Variants in DHX30 observed in about 807,000 individuals in gnomAD.
The protein encoded by DHX30 is ATP-dependent RNA helicase DHX30.
A neutral mutation model predicts 116.9 loss-of-function variants in DHX30; 4 were observed. The ratio of observed to expected loss-of-function variants is 0.03; its 90% CI spans 0.02 to 0.08. The LOEUF is 0.08. Ranked by LOEUF, DHX30 falls within the 10% of genes least tolerant of loss-of-function variation. The pLI is 1.00. For missense variants in DHX30, 871 were observed against 1,595.1 expected (o/e 0.55, Z 7.73); for synonymous variants, 697 against 651.7 (o/e 1.07, Z -1.06).
intron 2 of DHX30, among the ~76,000 whole-genome samples, chr3:47,806,405 G>T (rs1471467000): frequency 6.6e-6 from 1 of 151,058 alleles, no homozygotes. Flanking sequence ...GCCTCCGAAA[G>T]TGCTGGGATT....
At chr3:47,803,756 G>A (rs896803988) in intron 1 of DHX30, among the ~76,000 whole-genome samples, 24 of 152,220 alleles carry the variant, frequency 1.6e-4, no homozygotes, top group African/African-American at 5.8e-4. Context: ...TTTGCTGGTG[G>A]TAACTTGTCC....
chr3:47,835,565 A>G (rs2037070519), intron 6 of DHX30, among the ~76,000 whole-genome samples: 1 of 151,120 alleles, frequency 6.6e-6, no homozygotes, highest in South Asian at 2.1e-4. Context: ...TCAGCCTCCC[A>G]AAGTTCTGGG....
At chr3:47,849,584 C>T (rs958505171) in intron 20 of DHX30, 30 bp downstream of exon 20, 2 of 1,613,910 alleles carry the variant, frequency 1.2e-6, no homozygotes, top group African/African-American at 2.7e-5. Flanking sequence ...GATGGGGCAG[C>T]TGGGATGGTC....
Position 47,848,074 on chromosome 3 carries a change from G to C in DHX30, c.2287-106G>C. 1 of 1,580,604 alleles carries C rather than the reference G, an allele frequency of 6.3e-7. No homozygotes were observed. The highest frequency in any genetic ancestry group is 1.1e-5 in the South Asian group (1 of 87,684). ...TGTGTCTTCAGAAGGCCGCGCTTGT[G>C]GGGTCTCAGTGTTCCTGATGTAGGG... On this transcript the variant is annotated intron_variant, in intron 14 of 21. Coordinates refer to ENST00000445061, the MANE Select transcript of DHX30 (RefSeq NM_138615.3). The surrounding 1 kb of genome is among the most constrained non-coding windows in gnomAD (Gnocchi z 9.4).
intron 3 of DHX30, chr3:47,816,354 T>G (rs895486078): frequency 2.6e-5 from 24 of 936,768 alleles, no homozygotes; most frequent in South Asian, 1.5e-4. Context: ...AAGAGCCGTC[T>G]TCTTTTTTTT....
At chr3:47,810,592 G>T in intron 2 of DHX30, 65 bp from the exon 3 acceptor site, 1 of 1,318,888 alleles carries the variant, frequency 7.6e-7, no homozygotes, top group Non-Finnish European at 1.1e-6. Context: ...TGTTACTGAA[G>T]TCTTCTTTGT....
chr3:47,823,996 CTTTTTTTTT>C (rs759550719), intron 4 of DHX30, among the ~76,000 whole-genome samples: 1 of 100,368 alleles, frequency 1.0e-5, no homozygotes, highest in East Asian at 2.9e-4. Context: ...TTTTCTTTTC[CTTTTTTTTT>C]TTTTTTTTTT....
intron 4 of DHX30, among the ~76,000 whole-genome samples, chr3:47,826,643 C>T (rs2036567748): frequency 6.6e-6 from 1 of 152,122 alleles, no homozygotes; most frequent in South Asian, 2.1e-4. Flanking sequence ...GACGAGGTTT[C>T]ACAAGGTTTC....
chr3:47,805,109 T>C (rs1434497310), intron 1 of DHX30, among the ~76,000 whole-genome samples: 1 of 152,214 alleles, frequency 6.6e-6, no homozygotes, highest in Non-Finnish European at 1.5e-5. Flanking sequence ...GTCAGAAGAC[T>C]TCAGCACTTC....
chr3:47,848,508 A>G lies in DHX30; in HGVS notation c.2533A>G (p.Ile845Val), dbSNP rs1204168087. 8 of 1,613,668 alleles carry G rather than the reference A, an allele frequency of 5.0e-6. No individual in the cohort carries two copies. The highest frequency in any genetic ancestry group is 6.8e-6 in the Non-Finnish European group (8 of 1,179,906). Residue 845 changes from isoleucine (I) to valine (V), a missense_variant, in exon 16 of 22, where the codon ATC becomes GTC. By Grantham distance (29) the Ile-to-Val change is conservative. Around this residue, in one of 13 missense-constraint regions of DHX30, gnomAD observed 238 missense variants for 481.0 expected, o/e 0.49. Coordinates refer to ENST00000445061, the MANE Select transcript of DHX30 (RefSeq NM_138615.3). The surrounding 1 kb of genome is among the most constrained non-coding windows in gnomAD (Gnocchi z 9.4). ...FLSKAVDSPNIKAVDEAVILL... is the reference protein window; with the variant it reads ...FLSKAVDSPNVKAVDEAVILL... ...GTCCAAGGCTGTGGACAGTCCAAAC[A>G]TCAAGGCAGTGGACGAGGCTGTGAT...
intron 4 of DHX30, chr3:47,824,797 A>G (rs1367441700): frequency 2.5e-6 from 1 of 402,202 alleles, no homozygotes; most frequent in Non-Finnish European, 4.4e-6. Context: ...TTCCATCCAC[A>G]CGACTGCTGG....
rs1014265186 is a variant in DHX30 at position 47,815,983 on chromosome 3, GACCCTCCTTA to G, written c.29-2037_29-2028del. 94 of 984,148 alleles carry G rather than the reference GACCCTCCTTA, an allele frequency of 9.6e-5. 1 individual carries two copies. Among genetic ancestry groups the G allele is most frequent in the Non-Finnish European group, 1.1e-4 (90 of 829,698 alleles). The allele number at this position is 984,148 out of a possible 1,614,324, so 61.0% of individuals were successfully genotyped here. On this transcript the variant is annotated intron_variant, in intron 3 of 21. Coordinates refer to ENST00000445061, the MANE Select transcript of DHX30 (RefSeq NM_138615.3). The stretch of plus-strand genomic sequence containing the variant: ...TCCAGCATCCCTGGATGTGAATGAG[GACCCTCCTTA>G]AACAGGAATGGAGAGGTTGAGCTGG...
Position 47,846,950 on chromosome 3 carries a change from C to T in DHX30, c.1878C>T (p.Ile626=). The T allele has an allele frequency of 6.2e-7, 1 of 1,613,646 alleles. No individual in the cohort carries two copies. Among genetic ancestry groups the T allele is most frequent in the South Asian group, 1.1e-5 (1 of 91,090 alleles). ...TCAAGGAGCACTACCTAGAGGACAT[C>T]CTGGCCAAGTTGGGCAAGCACCAGT... is the stretch of plus-strand genomic sequence containing the variant. ...YPVKEHYLED[I]LAKLGKHQYL... is the part of the protein sequence containing the mutation. Residue 626 remains isoleucine, a synonymous_variant, in exon 11 of 22, where the codon ATC becomes ATT. Coordinates refer to ENST00000445061, the MANE Select transcript of DHX30 (RefSeq NM_138615.3).
In DHX30 at chr3:47,845,870, C is replaced by T. The variant is rs2037581856; in HGVS notation, c.1092+18C>T. On this transcript the variant is annotated intron_variant, in intron 10 of 21. Transcript: ENST00000445061. ...TGAACCATGTAAGAGGCCCTGCATC[C>T]CTCACCACCCCTGCTCCCTGTAGTC... 2.5e-6 allele frequency: 4 copies of T among 1,586,694 alleles called. No individual in the cohort carries two copies. The highest frequency in any genetic ancestry group is 2.7e-5 in the African/African-American group (2 of 74,366).
intron 4 of DHX30, chr3:47,819,374 G>C (rs78273381): frequency 0.021 from 21,500 of 1,026,486 alleles, 294 homozygotes; most frequent in Middle Eastern, 0.053. Context: ...ACGCGGAGGA[G>C]AACACTGATC....
At chr3:47,811,457 T>C (rs914328220) in intron 3 of DHX30, among the ~76,000 whole-genome samples, 3 of 152,166 alleles carry the variant, frequency 2.0e-5, no homozygotes, top group Admixed American at 6.6e-5. Flanking sequence ...GCTTTTACGA[T>C]GCATAGCACC....
chr3:47,824,864 C>G (rs536633017), intron 4 of DHX30: 3 of 458,118 alleles, frequency 6.5e-6, no homozygotes, highest in Admixed American at 8.9e-5. Context: ...AGCGCCGAGC[C>G]CGCCTACTGA....
At position 47,848,346 on chromosome 3, in the gene DHX30, A is replaced by G; in HGVS notation, c.2453A>G (p.Asn818Ser). The G allele has an allele frequency of 1.2e-6, 2 of 1,614,048 alleles. No homozygotes were observed. The highest frequency in any genetic ancestry group is 1.7e-6 in the Non-Finnish European group (2 of 1,180,012). ...GAGATCCTGCGCACACCTCTTGAGAACCTGGTGCTGCAAGCGAAAATCCAC... is the reference window on the plus strand; with the variant it reads ...GAGATCCTGCGCACACCTCTTGAGAGCCTGGTGCTGCAAGCGAAAATCCAC... The part of the protein sequence containing the change: ...VPEILRTPLE[N>S]LVLQAKIHMP... Residue 818 changes from asparagine to serine, a missense_variant, in exon 15 of 22, where the codon AAC becomes AGC. Asn to Ser is a conservative substitution (Grantham distance 46, BLOSUM62 1). Coordinates refer to ENST00000445061, the MANE Select transcript of DHX30 (RefSeq NM_138615.3). The surrounding 1 kb of genome is among the most constrained non-coding windows in gnomAD (Gnocchi z 9.4).
Position 47,848,101 on chromosome 3 carries a change from G to T in DHX30, c.2287-79G>T. 1 of 1,590,184 alleles carries T rather than the reference G, an allele frequency of 6.3e-7. No individual in the cohort carries two copies. On this transcript the variant is annotated intron_variant, in intron 14 of 21. Coordinates refer to ENST00000445061, the MANE Select transcript of DHX30 (RefSeq NM_138615.3). This position sits in a 1 kb window ranked among gnomAD's most constrained non-coding sequence, Gnocchi z 9.4. The stretch of plus-strand genomic sequence containing the variant: ...GGTCTCAGTGTTCCTGATGTAGGGG[G>T]CTGGTGAGGGTTACTCAGGGAGTGG...
Sources: allele counts gnomAD v4.1 joint callset (sites outside exome capture counted in the v4.1 genomes callset), GRCh38; gene constraint gnomAD v4.1.1; regional missense constraint gnomAD v4.1.1; non-coding constraint Gnocchi (gnomAD v3.1); transcripts MANE v1.5; gene names NCBI Gene and HGNC (gene_info 2026-07-23, HGNC 2026-07-21).